MEI4: variants seen among roughly 807,000 people sequenced by gnomAD.
MEI4 encodes meiosis-specific protein MEI4.
In MEI4, 27 loss-of-function variants were observed where a neutral mutation model predicts 31.4. That is an observed-to-expected ratio of 0.86 (90% confidence interval 0.63 to 1.19). MEI4 has a LOEUF of 1.19. Among genes scored for constraint, MEI4 ranks in the 50% most tolerant of loss-of-function variants. The pLI, the probability that MEI4 is intolerant of heterozygous loss-of-function variation, is 0.00. For missense variants in MEI4, 329 were observed against 398.9 expected, an observed-to-expected ratio of 0.82 and a Z score of 1.49; for synonymous variants, 122 against 145.4, an observed-to-expected ratio of 0.84 and a Z score of 1.16.
chr6:77,879,748 A>T (rs936267122), intron 4 of MEI4, among the ~76,000 whole-genome samples: 1 of 152,198 alleles, frequency 6.6e-6, no homozygotes, highest in Non-Finnish European at 1.5e-5. Flanking sequence ...CAAGGAGAAC[A>T]TGCCATGTTA....
At chr6:77,818,803 T>C (rs892028827) in intron 3 of MEI4, among the ~76,000 whole-genome samples, 4 of 152,178 alleles carry the variant, frequency 2.6e-5, no homozygotes, top group African/African-American at 7.2e-5. Flanking sequence ...CATAGCTCAC[T>C]TACTGCAGCT....
intron 2 of MEI4, among the ~76,000 whole-genome samples, chr6:77,737,247 T>A (rs983687976): frequency 1.1e-4 from 17 of 152,244 alleles, no homozygotes; most frequent in African/African-American, 3.9e-4. Flanking sequence ...TGGATAAGGC[T>A]ATTTAGACAG....
At chr6:77,869,969 A>G (rs1441566086) in intron 4 of MEI4, among the ~76,000 whole-genome samples, 2 of 152,066 alleles carry the variant, frequency 1.3e-5, no homozygotes, top group Non-Finnish European at 2.9e-5. Flanking sequence ...CAACTCCTGG[A>G]CATTCCCTCT....
In MEI4 at chr6:77,741,742, C is replaced by G. The variant is rs1428046626; in HGVS notation, c.233-19388C>G. On this transcript the variant is annotated intron_variant, in intron 2 of 4. Transcript: ENST00000684080. The stretch of plus-strand genomic sequence containing the variant: ...CATTAACTCGTCATTTAGCATTAGG[C>G]ATATCTCCTAATGCTATCCCTCCCC... Among the ~76,000 whole-genome samples, 4 of 150,152 alleles carry G rather than the reference C, an allele frequency of 2.7e-5. No homozygotes were observed. The South Asian group carries it at 8.7e-4, about 32-fold the overall frequency.
chr6:77,790,763 C>T (rs996136683), intron 3 of MEI4, among the ~76,000 whole-genome samples: 2 of 151,658 alleles, frequency 1.3e-5, no homozygotes, highest in African/African-American at 2.4e-5. Context: ...TTTAAGTCAA[C>T]AAAAAAATTG....
At chr6:77,832,579 T>A (rs1011344705) in intron 4 of MEI4, among the ~76,000 whole-genome samples, 12 of 152,064 alleles carry the variant, frequency 7.9e-5, no homozygotes, top group African/African-American at 2.9e-4. Flanking sequence ...TTAATTTTAA[T>A]TTTATGTTAT....
chr6:77,689,594 T>A (rs1769120191), intron 1 of MEI4, among the ~76,000 whole-genome samples: 1 of 152,006 alleles, frequency 6.6e-6, no homozygotes, highest in African/African-American at 2.4e-5. Flanking sequence ...CTTGGGCAGC[T>A]ATATAAGAAA....
At chr6:77,841,333 A>ATATATATATTTTTTTTTTTTTT in intron 4 of MEI4, among the ~76,000 whole-genome samples, 3 of 27,734 alleles carry the variant, frequency 1.1e-4, no homozygotes, top group African/African-American at 3.3e-4. Flanking sequence ...ATATATATAT[A>ATATATATATTTTTTTTTTTTTT]TTTTTTTTTT....
rs541612923 is a variant in MEI4 at position 77,869,786 on chromosome 6, A to T, written c.900+40724A>T. On this transcript the variant is annotated intron_variant, in intron 4 of 4. Transcript: ENST00000684080. Reference sequence around the variant, plus strand: ...AGTGGATTGTGAATATTTGATGAAGAGAATATCAGGAAGAAGGGGAAGCAA... The same window carrying T: ...AGTGGATTGTGAATATTTGATGAAGTGAATATCAGGAAGAAGGGGAAGCAA... Among the ~76,000 whole-genome samples, 4 of 152,294 alleles carry T rather than the reference A, an allele frequency of 2.6e-5. 1 individual carries two copies. In the South Asian group the frequency reaches 6.2e-4, roughly 24 times the overall value.
chr6:77,791,396 T>C (rs1768926459), intron 3 of MEI4, among the ~76,000 whole-genome samples: 1 of 150,932 alleles, frequency 6.6e-6, no homozygotes, highest in Non-Finnish European at 1.5e-5. Context: ...ATGGATGAAA[T>C]TGGAAATCAT....
chr6:77,829,434 T>C (rs1770027585), intron 4 of MEI4, among the ~76,000 whole-genome samples: 3 of 152,158 alleles, frequency 2.0e-5, no homozygotes, highest in African/African-American at 7.2e-5. Flanking sequence ...CCAGTATTTT[T>C]CATTCTGTAT....
Position 77,923,265 on chromosome 6 carries a change from T to G in MEI4, c.1077T>G (p.Asp359Glu), listed in dbSNP as rs934876810. 1 of 1,230,318 alleles carries G rather than the reference T, an allele frequency of 8.1e-7. No homozygotes were observed. Among genetic ancestry groups the G allele is most frequent in the African/African-American group, 1.6e-5 (1 of 64,294 alleles). The allele number at this position is 1,230,318 out of a possible 1,614,324, so 76.2% of individuals were successfully genotyped here. A position where few individuals can be genotyped will look rare whatever the true frequency, so the allele number is the denominator to read the frequency against. ...ATGAAACTATTTTCCAACTTTCTGA[T>G]GCATTTCCTTTGTTTACTTTTTATT... The part of the protein sequence containing the change: ...KHDETIFQLS[D>E]AFPLFTFYLW... The change falls in exon 5 of 5, where the codon GAT becomes GAG. Residue 359 changes from aspartate to glutamate, a missense_variant. Physicochemically the swap from Asp to Glu is conservative, Grantham distance 45 (BLOSUM62 2). Coordinates refer to ENST00000684080, the MANE Select transcript of MEI4 (RefSeq NM_001322247.2).
intron 1 of MEI4, among the ~76,000 whole-genome samples, chr6:77,656,212 GGA>G (rs1250114301): frequency 1.3e-5 from 2 of 152,026 alleles, no homozygotes; most frequent in African/African-American, 2.4e-5. Context: ...TTTGATTGTT[GGA>G]GAGAGAGATA....
rs560416026 is a variant in MEI4 at position 77,917,909 on chromosome 6, T to G, written c.901-5180T>G. Among the ~76,000 whole-genome samples, 242 of 148,622 alleles carry G rather than the reference T, an allele frequency of 1.6e-3. 3 individuals carry two copies. The highest frequency in any genetic ancestry group is 5.9e-3 in the African/African-American group (235 of 40,076). On this transcript the variant is annotated intron_variant, in intron 4 of 4. Transcript: ENST00000684080. ...GGTTTTTATGGTTTTAGGTCTAACG[T>G]TTAAGTCTTTAATCCATCTTGAATT...
intron 3 of MEI4, among the ~76,000 whole-genome samples, chr6:77,798,919 TC>T (rs561223537): frequency 1.4e-3 from 210 of 151,886 alleles, no homozygotes; most frequent in African/African-American, 4.4e-3. Context: ...TGGTTCCAAG[TC>T]TTTGCTATTG....
intron 4 of MEI4, among the ~76,000 whole-genome samples, chr6:77,897,696 C>T (rs1272907678): frequency 6.6e-6 from 1 of 151,922 alleles, no homozygotes; most frequent in Non-Finnish European, 1.5e-5. Context: ...ATGGATTCAA[C>T]ATTTTAGGCA....
chr6:77,764,169 G>C (rs895783400), intron 3 of MEI4, among the ~76,000 whole-genome samples: 1 of 151,982 alleles, frequency 6.6e-6, no homozygotes, highest in African/African-American at 2.4e-5. Context: ...GTCTTTTCAG[G>C]CTTTCTGTTT....
chr6:77,818,780 G>T (rs1177361701), intron 3 of MEI4, among the ~76,000 whole-genome samples: 3 of 152,096 alleles, frequency 2.0e-5, no homozygotes, highest in African/African-American at 7.2e-5. Flanking sequence ...AGGCTGATGT[G>T]CAGTGGCACA....
intron 3 of MEI4, among the ~76,000 whole-genome samples, chr6:77,822,521 G>A (rs62427313): frequency 0.15 from 22,840 of 151,734 alleles, 1,782 homozygotes; most frequent in Middle Eastern, 0.22. Flanking sequence ...ATACATTGAC[G>A]TGTTAATTCT....
Sources: gnomAD v4.1 joint callset for allele counts (sites outside exome capture counted in the v4.1 genomes callset) on GRCh38, gnomAD v4.1.1 for gene constraint, MANE v1.5 for transcripts, NCBI Gene and HGNC (gene_info 2026-07-23, HGNC 2026-07-21) for gene names.